TTC13: variants seen among roughly 807,000 people sequenced by gnomAD.
TTC13 encodes the protein tetratricopeptide repeat domain 13, also known as tetratricopeptide repeat protein 13.
In TTC13, 62 loss-of-function variants were observed where a neutral mutation model predicts 120.0. The ratio of observed to expected loss-of-function variants is 0.52; its 90% CI spans 0.42 to 0.64. The LOEUF is 0.64. Among genes scored for constraint, TTC13 ranks in the 30% least tolerant of loss-of-function variants. The pLI, the probability that TTC13 is intolerant of heterozygous loss-of-function variation, is 0.00. For synonymous variants in TTC13, 384 were observed against 393.5 expected (o/e 0.98, Z 0.28); for missense variants, 824 against 1,050.2 (o/e 0.78, Z 2.98).
At chr1:230,920,372 T>A (rs1292452507) in intron 17 of TTC13, 138 bp downstream of exon 17, 2 of 563,640 alleles carry the variant, frequency 3.5e-6, no homozygotes, top group Non-Finnish European at 3.0e-6. Context: ...TAGGTTCTTT[T>A]ATTTTGGTTA....
At chr1:230,933,996 G>A in intron 8 of TTC13, 135 bp from the exon 9 acceptor site, 1 of 490,808 alleles carries the variant, frequency 2.0e-6, no homozygotes, top group Non-Finnish European at 3.5e-6. Flanking sequence ...AAAAAAGAGA[G>A]GCAGAAAATG....
intron 8 of TTC13, among the ~76,000 whole-genome samples, chr1:230,934,849 A>G (rs2102854102): frequency 6.6e-6 from 1 of 152,362 alleles, no homozygotes; most frequent in African/African-American, 2.4e-5. Context: ...AAGATGTCAC[A>G]TACCTTGTAC....
At chr1:230,965,163 A>C (rs12038270) in intron 1 of TTC13, among the ~76,000 whole-genome samples, 48,234 of 152,070 alleles carry the variant, frequency 0.32, 7,756 homozygotes, top group Middle Eastern at 0.48. Flanking sequence ...CCACAGCAAA[A>C]GATACAAGCA....
chr1:230,968,563 A>G (rs961152105), intron 1 of TTC13, among the ~76,000 whole-genome samples: 2 of 152,152 alleles, frequency 1.3e-5, no homozygotes, highest in African/African-American at 2.4e-5. Context: ...AGAAGGGGCA[A>G]GTAGAGCAGG....
chr1:230,949,735 T>C (rs1410236266), intron 4 of TTC13, among the ~76,000 whole-genome samples: 1 of 152,200 alleles, frequency 6.6e-6, no homozygotes, highest in East Asian at 1.9e-4. Flanking sequence ...AAGTTCCACC[T>C]CCAGGGTTCA....
At chr1:230,965,372 G>A (rs937723207) in intron 1 of TTC13, among the ~76,000 whole-genome samples, 1 of 152,124 alleles carries the variant, frequency 6.6e-6, no homozygotes, top group African/African-American at 2.4e-5. Context: ...ATGAAAAGGT[G>A]GTCAACATCA....
intron 1 of TTC13, among the ~76,000 whole-genome samples, chr1:230,963,486 A>G (rs1022284263): frequency 6.6e-6 from 1 of 152,030 alleles, no homozygotes; most frequent in African/African-American, 2.4e-5. Context: ...AAAAGAAAAA[A>G]TTAGCTGGGT....
chr1:230,967,123 C>T (rs1677204135), intron 1 of TTC13, among the ~76,000 whole-genome samples: 1 of 152,076 alleles, frequency 6.6e-6, no homozygotes, highest in East Asian at 1.9e-4. Flanking sequence ...GTATTATCTG[C>T]ACGTAATTTT....
chr1:230,915,044 A>G (rs1198005908), intron 18 of TTC13, among the ~76,000 whole-genome samples: 1 of 152,196 alleles, frequency 6.6e-6, no homozygotes, highest in African/African-American at 2.4e-5. Flanking sequence ...ATCAGGGGAG[A>G]ATGATCTTTA....
intron 1 of TTC13, among the ~76,000 whole-genome samples, chr1:230,968,902 C>T (rs1399866451): frequency 1.3e-5 from 2 of 152,204 alleles, no homozygotes; most frequent in African/African-American, 2.4e-5. Flanking sequence ...AAGGTAAATA[C>T]TACAGATATG....
Position 230,933,852 on chromosome 1 carries a change from C to T in TTC13, c.910G>A (p.Glu304Lys). The T allele has an allele frequency of 6.3e-7, 1 of 1,594,762 alleles. No individual in the cohort carries two copies. The highest frequency in any genetic ancestry group is 1.3e-5 in the African/African-American group (1 of 74,288). ...FHRGLLKEAI[E>K]SFKEALKQKV... ...TGCTTCAAAGCTTCTTTGAAGGATTCAATAGCTTCCTATAAAAAGTGTAGA... is the reference window on the plus strand; with the variant it reads ...TGCTTCAAAGCTTCTTTGAAGGATTTAATAGCTTCCTATAAAAAGTGTAGA... Residue 304 changes from glutamate (E) to lysine (K), a missense_variant, in exon 9 of 23, where the codon GAA becomes AAA. Transcript: ENST00000366661.
chr1:230,974,076 C>CA (rs56139200), intron 1 of TTC13, among the ~76,000 whole-genome samples: 13,463 of 103,428 alleles, frequency 0.13, 667 homozygotes, highest in South Asian at 0.22. Flanking sequence ...TACTCCATCT[C>CA]AAAAAAAAAA....
At chr1:230,948,680 G>A (rs1332661233) in intron 4 of TTC13, among the ~76,000 whole-genome samples, 1 of 151,832 alleles carries the variant, frequency 6.6e-6, no homozygotes, top group Admixed American at 6.6e-5. Context: ...GTTGAGATGG[G>A]GGTCTCACTT....
Position 230,931,319 on chromosome 1 carries a change from G to C in TTC13, c.1279C>G (p.Leu427Val), listed in dbSNP as rs1294810164. ...LPGQKASPEYLKVKYLREYSR... is the reference protein window; with the variant it reads ...LPGQKASPEYVKVKYLREYSR... ...TTACCTCGGAGATACTTTACTTTAA[G>C]ATACTCAGGGCTAGCCTTCTGGCCT... The change falls in exon 11 of 23, where the codon CTT becomes GTT. Residue 427 changes from leucine (L) to valine (V), a missense_variant. Transcript: ENST00000366661. 1 of 1,613,612 alleles carries C rather than the reference G, an allele frequency of 6.2e-7. No individual in the cohort carries two copies. The highest frequency in any genetic ancestry group is 1.3e-5 in the African/African-American group (1 of 74,906).
intron 11 of TTC13, among the ~76,000 whole-genome samples, chr1:230,929,322 A>T (rs1417216399): frequency 2.8e-5 from 4 of 144,468 alleles, no homozygotes; most frequent in South Asian, 2.2e-4. Flanking sequence ...CTTTGGCTAC[A>T]TTTTTTTTTT....
chr1:230,977,442 G>C lies in TTC13; in HGVS notation c.271+1118C>G, dbSNP rs546826182. ...ATTCTTTCTCCACCGTGCAAGGCTG[G>C]CCGTGTTACTTACGCCGTTACCAGC... is the stretch of plus-strand genomic sequence containing the variant. On this transcript the variant is annotated intron_variant, in intron 1 of 22. Transcript: ENST00000366661. Among the ~76,000 whole-genome samples, 15 of 152,256 alleles carry C rather than the reference G, an allele frequency of 9.9e-5. No homozygotes were observed. The South Asian group carries it at 3.1e-3, about 32-fold the overall frequency.
At chr1:230,962,388 C>G (rs1676727414) in intron 1 of TTC13, among the ~76,000 whole-genome samples, 1 of 152,074 alleles carries the variant, frequency 6.6e-6, no homozygotes, top group African/African-American at 2.4e-5. Flanking sequence ...GTAAATCAAA[C>G]CACAATAAGG....
intron 1 of TTC13, among the ~76,000 whole-genome samples, chr1:230,970,570 G>A (rs1397000308): frequency 1.3e-5 from 2 of 152,164 alleles, no homozygotes; most frequent in African/African-American, 2.4e-5. Flanking sequence ...GTCCATCTGC[G>A]GGCAGGCCAG....
intron 11 of TTC13, among the ~76,000 whole-genome samples, chr1:230,930,422 TA>T (rs1484457224): frequency 6.6e-6 from 1 of 152,156 alleles, no homozygotes; most frequent in Non-Finnish European, 1.5e-5. Flanking sequence ...AGTCATGGTA[TA>T]AAGGGCTCAC....
Sources: gnomAD v4.1 joint callset for allele counts (sites outside exome capture counted in the v4.1 genomes callset) on GRCh38, gnomAD v4.1.1 for gene constraint, MANE v1.5 for transcripts, NCBI Gene and HGNC (gene_info 2026-07-23, HGNC 2026-07-21) for gene names.